RICTOR: variants seen among roughly 807,000 people sequenced by gnomAD.
RICTOR encodes the protein RPTOR independent companion of MTOR complex 2.
RICTOR carries 49 observed loss-of-function variants against 214.9 expected under a neutral mutation model. That is an observed-to-expected ratio of 0.23 (90% CI 0.18 to 0.29). The LOEUF is 0.29. Among genes scored for constraint, RICTOR ranks in the 10% least tolerant of loss-of-function variants. The pLI is 1.00. For synonymous variants in RICTOR, 717 were observed against 711.3 expected, an observed-to-expected ratio of 1.01 and a Z score of -0.13; for missense variants, 1,625 against 2,047.0, an observed-to-expected ratio of 0.79 and a Z score of 3.98.
At chr5:39,056,475 A>G (rs1239262568) in intron 2 of RICTOR, among the ~76,000 whole-genome samples, 1 of 152,116 alleles carries the variant, frequency 6.6e-6, no homozygotes, top group Non-Finnish European at 1.5e-5. Context: ...CTCTACAAAA[A>G]ATACCAAAAA....
At chr5:39,063,851 A>C (rs1758716294) in intron 2 of RICTOR, among the ~76,000 whole-genome samples, 1 of 152,122 alleles carries the variant, frequency 6.6e-6, no homozygotes, top group South Asian at 2.1e-4. Context: ...AAAAAAGGAA[A>C]AGTAATTGAA....
At chr5:39,056,104 T>C (rs1407203341) in intron 2 of RICTOR, among the ~76,000 whole-genome samples, 3 of 152,182 alleles carry the variant, frequency 2.0e-5, no homozygotes, top group Non-Finnish European at 4.4e-5. Flanking sequence ...ACGACATGGT[T>C]ACGATGCTGA....
rs1021501767 is a variant in RICTOR, at chr5:38,941,702, A to G, written c.*602T>C. 2 of 232,128 alleles carry G rather than the reference A, an allele frequency of 8.6e-6. No homozygotes were observed. Among genetic ancestry groups the G allele is most frequent in the Non-Finnish European group, 1.7e-5 (2 of 117,186 alleles). 14.4% of individuals were successfully genotyped at this position (232,128 alleles called of 1,614,324 possible). On this transcript the variant is annotated 3_prime_UTR_variant, in exon 38 of 38. Coordinates refer to ENST00000357387, the MANE Select transcript of RICTOR (RefSeq NM_152756.5). Reference sequence around the variant, plus strand: ...AAGTCTAGTAACATAAAAATAACTTATAAGTCCCGGGTTGTTGAGGCTCTT... The same window carrying G: ...AAGTCTAGTAACATAAAAATAACTTGTAAGTCCCGGGTTGTTGAGGCTCTT...
chr5:39,030,136 CTTAG>C (rs1387718174), intron 2 of RICTOR, among the ~76,000 whole-genome samples: 1 of 152,120 alleles, frequency 6.6e-6, no homozygotes, highest in Non-Finnish European at 1.5e-5. Flanking sequence ...CCCTCTTCCT[CTTAG>C]TGTGAATTAC....
chr5:39,027,864 A>C (rs1454238705), intron 2 of RICTOR, among the ~76,000 whole-genome samples: 1 of 152,216 alleles, frequency 6.6e-6, no homozygotes, highest in African/African-American at 2.4e-5. Flanking sequence ...AAATGAAAAG[A>C]CAATCCACAA....
intron 23 of RICTOR, 29 bp downstream of exon 23, chr5:38,958,638 G>C (rs1467969529): frequency 1.3e-6 from 2 of 1,537,428 alleles, no homozygotes; most frequent in African/African-American, 2.8e-5. Flanking sequence ...AAAAATTTAA[G>C]TATTAAATTA....
chr5:38,968,788 A>AT (rs143419421), intron 11 of RICTOR, among the ~76,000 whole-genome samples: 14,071 of 151,260 alleles, frequency 0.093, 788 homozygotes, highest in Middle Eastern at 0.15. Context: ...TAGGTATTCC[A>AT]TAACAAGACA....
intron 14 of RICTOR, 73 bp downstream of exon 14, chr5:38,967,088 A>C: frequency 8.4e-7 from 1 of 1,187,120 alleles, no homozygotes; most frequent in Non-Finnish European, 1.3e-6. Context: ...GGCGTGAGTC[A>C]CCACACCTGG....
chr5:39,043,340 T>C (rs929547199), intron 2 of RICTOR, among the ~76,000 whole-genome samples: 12 of 152,128 alleles, frequency 7.9e-5, no homozygotes, highest in African/African-American at 1.4e-4. Flanking sequence ...TGCAACAACA[T>C]GGATGAACCA....
intron 34 of RICTOR, 93 bp from the exon 35 acceptor site, chr5:38,945,161 C>A: frequency 1.1e-6 from 1 of 918,048 alleles, no homozygotes; most frequent in South Asian, 1.7e-5. Context: ...TATAAAATAA[C>A]ATCTTCTCTA....
intron 3 of RICTOR, among the ~76,000 whole-genome samples, chr5:39,015,542 G>T (rs563945027): frequency 4.6e-5 from 7 of 151,902 alleles, no homozygotes; most frequent in East Asian, 1.9e-4. Context: ...TGGGGTGGGG[G>T]TGCTACTGGC....
chr5:38,953,063 A>T lies in RICTOR; in HGVS notation c.2819T>A (p.Leu940His). 6.2e-7 allele frequency: 1 copy of T among 1,607,988 alleles called. No homozygotes were observed. ...LGNIGSSNWG[L>H]NLLQEENVIP... ...CACGTTTTCTTCCTGTAGCAAATTG[A>T]GACCCCAATTTGATGAGCCGATATT... Residue 940 changes from leucine to histidine, a missense_variant, in exon 29 of 38, where the codon CTC becomes CAC. Around this residue, in one of 5 missense-constraint regions of RICTOR, gnomAD observed 1,214 missense variants for 1,470.5 expected, o/e 0.83. Coordinates refer to ENST00000357387, the MANE Select transcript of RICTOR (RefSeq NM_152756.5).
chr5:38,994,063 G>A (rs1390845038), intron 6 of RICTOR, among the ~76,000 whole-genome samples: 1 of 151,984 alleles, frequency 6.6e-6, no homozygotes, highest in Admixed American at 6.6e-5. Context: ...GGTGGCGGGT[G>A]CCTGTAGTCC....
intron 2 of RICTOR, among the ~76,000 whole-genome samples, chr5:39,065,050 T>C (rs1355964553): frequency 6.6e-6 from 1 of 152,188 alleles, no homozygotes; most frequent in Non-Finnish European, 1.5e-5. Flanking sequence ...TCCTGGCTTA[T>C]GTATCAGGCC....
At chr5:39,056,464 T>G (rs1394913352) in intron 2 of RICTOR, among the ~76,000 whole-genome samples, 1 of 151,952 alleles carries the variant, frequency 6.6e-6, no homozygotes, top group Non-Finnish European at 1.5e-5. Flanking sequence ...CAGAACCCTG[T>G]CTCTACAAAA....
intron 2 of RICTOR, among the ~76,000 whole-genome samples, chr5:39,051,032 T>C (rs912142803): frequency 2.6e-5 from 3 of 114,440 alleles, no homozygotes; most frequent in Admixed American, 8.9e-5. Context: ...TCTCTCCCCA[T>C]ACATATATAT....
intron 6 of RICTOR, among the ~76,000 whole-genome samples, chr5:38,996,287 C>A (rs913207975): frequency 6.6e-6 from 1 of 152,176 alleles, no homozygotes; most frequent in Non-Finnish European, 1.5e-5. Flanking sequence ...CCCTGAAGGC[C>A]TCTCAAGAGA....
At chr5:38,966,926 G>C (rs1358582162) in intron 14 of RICTOR, 17 of 591,780 alleles carry the variant, frequency 2.9e-5, no homozygotes, top group Non-Finnish European at 3.0e-6. Flanking sequence ...TCAGCCTCCT[G>C]AGTAGCTGGG....
In RICTOR at chr5:38,940,244, GGTGT is replaced by G. The variant is rs1180186791; in HGVS notation, c.*2056_*2059del. On this transcript the variant is annotated 3_prime_UTR_variant, in exon 38 of 38. Transcript: ENST00000357387. ...CAGGGATAGTGATGGTGGGGGAGGG[GGTGT>G]GTGTGTGTGTAAGACAAAAAAAAAA... 3.1e-5 allele frequency: 7 copies of G among 228,132 alleles called. No individual in the cohort carries two copies. Among genetic ancestry groups the G allele is most frequent in the South Asian group, 1.8e-4 (1 of 5,428 alleles). 14.1% of individuals were successfully genotyped at this position (228,132 alleles called of 1,614,324 possible). A position where few individuals can be genotyped will look rare whatever the true frequency, so the allele number is the denominator to read the frequency against.
Sources: gnomAD v4.1 joint callset for allele counts (sites outside exome capture counted in the v4.1 genomes callset) on GRCh38, gnomAD v4.1.1 for gene constraint, gnomAD v4.1.1 regional missense constraint, MANE v1.5 for transcripts, NCBI Gene and HGNC (gene_info 2026-07-23, HGNC 2026-07-21) for gene names.